CARS1: variants seen among roughly 807,000 people sequenced by gnomAD.
CARS1 encodes cysteinyl-tRNA synthetase 1, also known as cysteine--tRNA ligase, cytoplasmic.
Under a neutral mutation model 106.2 loss-of-function variants are expected in CARS1, and 48 were observed. The ratio of observed to expected loss-of-function variants is 0.45; its 90% confidence interval spans 0.36 to 0.57. The LOEUF (loss-of-function observed/expected upper bound fraction) is 0.57, where lower values mean the gene tolerates loss of function less well. Among genes scored for constraint, CARS1 ranks in the 20% least tolerant of loss-of-function variants. CARS1 has a pLI of 0.00. For missense variants in CARS1, 968 were observed against 1,057.2 expected (o/e 0.92, Z 1.17); for synonymous variants, 409 against 403.4 (o/e 1.01, Z -0.17).
Position 3,003,049 on chromosome 11 carries a change from C to T in CARS1, c.2218-449G>A, listed in dbSNP as rs966897950. Among the ~76,000 whole-genome samples the T allele has an allele frequency of 9.2e-5, 14 of 151,980 alleles. No homozygotes were observed. The highest frequency in any genetic ancestry group is 2.9e-4 in the African/African-American group (12 of 41,354). On this transcript the variant is annotated intron_variant, in intron 20 of 22. Transcript: ENST00000380525. The surrounding 1 kb of genome is among the most constrained non-coding windows in gnomAD (Gnocchi z 4.8). The stretch of plus-strand genomic sequence containing the variant: ...GCCAGGGCAGGATGGGGATGGTGGG[C>T]GGAGGGCAGCCTTGGGGGCTAGGTG...
Position 3,017,154 on chromosome 11 carries a change from G to C in CARS1, c.1869C>G (p.Asn623Lys), listed in dbSNP as rs1481343738. 2 of 1,614,192 alleles carry C rather than the reference G, an allele frequency of 1.2e-6. No homozygotes were observed. The highest frequency in any genetic ancestry group is 2.2e-5 in the South Asian group (2 of 91,088). Reference protein sequence around the residue: ...AARKAVRKRPNQALLENIALY... With the variant: ...AARKAVRKRPKQALLENIALY... Reference sequence around the variant, plus strand: ...GGGCGATGTTCTCCAGCAGAGCCTGGTTGGGCCTCTTCCTCACGGCTTTCC... The same window carrying C: ...GGGCGATGTTCTCCAGCAGAGCCTGCTTGGGCCTCTTCCTCACGGCTTTCC... Residue 623 changes from asparagine (N) to lysine (K), a missense_variant, in exon 16 of 23, where the codon AAC becomes AAG. By Grantham distance (94) the Asn-to-Lys change is moderately conservative. Transcript: ENST00000380525. This position sits in a 1 kb window ranked among gnomAD's most constrained non-coding sequence, Gnocchi z 4.9.
At chr11:3,002,349 C>G (rs1454777569) in intron 21 of CARS1, 192 bp downstream of exon 21, 2 of 1,056,240 alleles carry the variant, frequency 1.9e-6, no homozygotes, top group Non-Finnish European at 1.4e-6. Flanking sequence ...TTCCCCTTGG[C>G]CAGGCCTTCC....
At position 3,039,052 on chromosome 11, in the gene CARS1, C is replaced by T. The variant is rs749820283; in HGVS notation, c.651+142G>A. 1.4e-5 allele frequency: 8 copies of T among 577,718 alleles called. No homozygotes were observed. Among genetic ancestry groups the T allele is most frequent in the East Asian group, 9.0e-5 (3 of 33,510 alleles). 35.8% of individuals were successfully genotyped at this position (577,718 alleles called of 1,614,324 possible). ...GGGACCTTACCTATGGAGACTTCAG[C>T]GCCCCTGACGGAACTGGCTTGAGTA... On this transcript the variant is annotated intron_variant, in intron 6 of 22. Transcript: ENST00000380525. The surrounding 1 kb of genome is among the most constrained non-coding windows in gnomAD (Gnocchi z 5.6).
Position 3,006,979 on chromosome 11 carries a change from G to GC in CARS1, c.2069-21_2069-20insG. On this transcript the variant is annotated intron_variant, in intron 18 of 22. Transcript: ENST00000380525. ...CAGGGACTGTAGGAGAAGCAGAGCA[G>GC]TTCCCTCAGACATGGAGGAGCCAGG... The GC allele has an allele frequency of 6.2e-7, 1 of 1,605,724 alleles. No homozygotes were observed. The highest frequency in any genetic ancestry group is 1.1e-5 in the South Asian group (1 of 90,922).
chr11:3,024,880 T>C (rs1237806489), intron 10 of CARS1, among the ~76,000 whole-genome samples: 1 of 152,254 alleles, frequency 6.6e-6, no homozygotes, highest in Non-Finnish European at 1.5e-5. Context: ...TTCTGTGTTC[T>C]TGGAAGGAAA....
At position 3,028,477 on chromosome 11, in the gene CARS1, T is replaced by C; in HGVS notation, c.1031+519A>G. On this transcript the variant is annotated intron_variant, in intron 9 of 22. Transcript: ENST00000380525. The surrounding 1 kb of genome is among the most constrained non-coding windows in gnomAD (Gnocchi z 4.4). ...CACTACAGACAGATAACCGGGTTCC[T>C]GTCTGCATTTCCATTTGTTGGCCAT... 4.8e-6 allele frequency: 1 copy of C among 209,598 alleles called. No homozygotes were observed. Among genetic ancestry groups the C allele is most frequent in the Non-Finnish European group, 9.4e-6 (1 of 106,930 alleles). The allele number at this position is 209,598 out of a possible 1,614,324, so 13.0% of individuals were successfully genotyped here.
Position 3,034,217 on chromosome 11 carries a change from T to C in CARS1, c.801+3833A>G, listed in dbSNP as rs1853280744. Among the ~76,000 whole-genome samples the C allele has an allele frequency of 1.5e-5, 2 of 130,148 alleles. No homozygotes were observed. Among genetic ancestry groups the C allele is most frequent in the South Asian group, 5.3e-4 (2 of 3,766 alleles). The allele number at this position is 130,148 out of a possible 152,430, so 85.4% of individuals were successfully genotyped here. On this transcript the variant is annotated intron_variant, in intron 7 of 22. Coordinates refer to ENST00000380525, the MANE Select transcript of CARS1 (RefSeq NM_001014437.3). This position sits in a 1 kb window ranked among gnomAD's most constrained non-coding sequence, Gnocchi z 6.3. ...GTTCTTTTTTTTGTTTTCTGTTTTT[T>C]GTTTTGTTTTGTTTTGTTTTTTTGA...
intron 18 of CARS1, chr11:3,009,437 G>A (rs1312787974): frequency 2.6e-5 from 4 of 152,318 alleles, no homozygotes; most frequent in Non-Finnish European, 5.9e-5. Context: ...CTGAGGGAGG[G>A]GATGTGGAGT....
Position 3,002,022 on chromosome 11 carries a change from G to T in CARS1, c.2309C>A (p.Pro770His), listed in dbSNP as rs1483281227. ...GGTTTCTGACAAGAACATCTCACTG[G>T]GGGGAATCTTCATCTTGGCCAGCTT... The part of the protein sequence containing the change: ...AAKLAKMKIP[P>H]SEMFLSETDK... The change falls in exon 22 of 23, where the codon CCC becomes CAC. Residue 770 changes from proline (P) to histidine (H), a missense_variant. Pro to His is a moderately conservative substitution (Grantham distance 77). Transcript: ENST00000380525. The T allele has an allele frequency of 6.2e-7, 1 of 1,613,762 alleles. No homozygotes were observed.
At position 3,048,800 on chromosome 11, in the gene CARS1, T is replaced by G. The variant is rs1394283231; in HGVS notation, c.26-799A>C. Among the ~76,000 whole-genome samples the G allele has an allele frequency of 1.2e-4, 19 of 152,254 alleles. No homozygotes were observed. The highest frequency in any genetic ancestry group is 1.2e-3 in the Admixed American group (19 of 15,284). On this transcript the variant is annotated intron_variant, in intron 1 of 22. Coordinates refer to ENST00000380525, the MANE Select transcript of CARS1 (RefSeq NM_001014437.3). The surrounding 1 kb of genome is among the most constrained non-coding windows in gnomAD (Gnocchi z 5.1). ...AAAGCACAGGGCTGCCAGGAAAATGTGGCTGCTCCAGCCAGCCTCACCTGG... is the reference window on the plus strand; with the variant it reads ...AAAGCACAGGGCTGCCAGGAAAATGGGGCTGCTCCAGCCAGCCTCACCTGG...
At chr11:3,056,800 C>T (rs1856248209) in intron 1 of CARS1, among the ~76,000 whole-genome samples, 1 of 152,174 alleles carries the variant, frequency 6.6e-6, no homozygotes, top group Admixed American at 6.5e-5. Context: ...AGGGCCCGCC[C>T]AGGCACCGGC....
Position 3,004,760 on chromosome 11 carries a change from G to C in CARS1, c.2217+606C>G, listed in dbSNP as rs1266104963. Reference sequence around the variant, plus strand: ...TATGCTGGGAATAGGAGGTGGAGATGCATCAGTGACACGCGCCACTCAGGT... The same window carrying C: ...TATGCTGGGAATAGGAGGTGGAGATCCATCAGTGACACGCGCCACTCAGGT... On this transcript the variant is annotated intron_variant, in intron 20 of 22. Transcript: ENST00000380525. The surrounding 1 kb of genome is among the most constrained non-coding windows in gnomAD (Gnocchi z 5.2). Among the ~76,000 whole-genome samples, 1 of 152,204 alleles carries C rather than the reference G, an allele frequency of 6.6e-6. No homozygotes were observed. The highest frequency in any genetic ancestry group is 1.5e-5 in the Non-Finnish European group (1 of 68,030).
intron 12 of CARS1, 85 bp from the exon 13 acceptor site, chr11:3,018,834 G>A (rs1456911184): frequency 5.3e-6 from 8 of 1,520,224 alleles, no homozygotes; most frequent in Non-Finnish European, 7.1e-6. Context: ...TGCCTTGTTG[G>A]TGCTGTCCAC....
chr11:3,011,217 T>A (rs1341493849), intron 18 of CARS1, among the ~76,000 whole-genome samples: 1 of 152,274 alleles, frequency 6.6e-6, no homozygotes, highest in Non-Finnish European at 1.5e-5. Flanking sequence ...TGCTTTTTGC[T>A]GTGTTTAACA....
Position 3,029,244 on chromosome 11 carries a change from A to G in CARS1, c.942+59T>C. 1 of 1,589,392 alleles carries G rather than the reference A, an allele frequency of 6.3e-7. No individual in the cohort carries two copies. The highest frequency in any genetic ancestry group is 8.6e-7 in the Non-Finnish European group (1 of 1,160,098). ...TTGAGCTGGCCTTGCCAAAACAGGA[A>G]TTTAGAAATCAGGGCCCTTAGCGCA... On this transcript the variant is annotated intron_variant, in intron 8 of 22. Coordinates refer to ENST00000380525, the MANE Select transcript of CARS1 (RefSeq NM_001014437.3). This position sits in a 1 kb window ranked among gnomAD's most constrained non-coding sequence, Gnocchi z 5.9.
At chr11:3,024,452 T>TG in intron 10 of CARS1, among the ~76,000 whole-genome samples, 2 of 152,156 alleles carry the variant, frequency 1.3e-5, no homozygotes, top group African/African-American at 2.4e-5. Flanking sequence ...AAAAAAAATT[T>TG]TTTTAATGTC....
intron 1 of CARS1, among the ~76,000 whole-genome samples, chr11:3,051,123 A>G (rs1855642623): frequency 6.6e-6 from 1 of 152,242 alleles, no homozygotes; most frequent in Non-Finnish European, 1.5e-5. Context: ...CACAAGGACC[A>G]GTGCTGGGAA....
intron 7 of CARS1, among the ~76,000 whole-genome samples, chr11:3,032,087 C>CTTCCT (rs1852911449): frequency 7.7e-6 from 1 of 130,238 alleles, no homozygotes; most frequent in Non-Finnish European, 1.6e-5. Context: ...TCCTTCCTTC[C>CTTCCT]TTCCTTGATG....
In CARS1 at chr11:3,052,908, G is replaced by A. The variant is rs561411985; in HGVS notation, c.25+4435C>T. The stretch of plus-strand genomic sequence containing the variant: ...CCTCATCGTAGAGCCTGCACGCTCC[G>A]TGCCGAAACTCCTGCTCTGCCCCCA... On this transcript the variant is annotated intron_variant, in intron 1 of 22. Transcript: ENST00000380525. This position sits in a 1 kb window ranked among gnomAD's most constrained non-coding sequence, Gnocchi z 4.6. Among the ~76,000 whole-genome samples the A allele has an allele frequency of 8.5e-5, 13 of 152,204 alleles. No homozygotes were observed. Among genetic ancestry groups the A allele is most frequent in the South Asian group, 6.2e-4 (3 of 4,830 alleles).
Sources: gnomAD v4.1 joint callset for allele counts (sites outside exome capture counted in the v4.1 genomes callset) on GRCh38, gnomAD v4.1.1 for gene constraint, Gnocchi (gnomAD v3.1) non-coding constraint, MANE v1.5 for transcripts, NCBI Gene and HGNC (gene_info 2026-07-23, HGNC 2026-07-21) for gene names.